The following ERAP2 variants were observed in gnomAD, a reference collection of about 807,000 sequenced individuals.
The protein encoded by ERAP2 is leukocyte-derived arginine aminopeptidase.
In ERAP2, 118 loss-of-function variants were observed where a neutral mutation model predicts 111.1. That is an observed-to-expected ratio of 1.06 (90% CI 0.92 to 1.24). The LOEUF (loss-of-function observed/expected upper bound fraction) is 1.24, where lower values mean the gene tolerates loss of function less well. Among genes scored for constraint, ERAP2 ranks in the 50% most tolerant of loss-of-function variants. The probability of loss-of-function intolerance (pLI) is 0.00; values close to 1 mark genes in which losing one functional copy is unlikely to be tolerated. For synonymous variants in ERAP2, 410 were observed against 401.2 expected (o/e 1.02, Z -0.26); for missense variants, 1,131 against 1,125.8 (o/e 1.00, Z -0.07).
chr5:96,876,474 G>C (rs1443866901), upstream of ERAP2: 1 of 152,380 alleles, frequency 6.6e-6, no homozygotes, highest in Non-Finnish European at 1.5e-5. Context: ...AGAACAGAAA[G>C]TGAAAGCAAA....
intron 18 of ERAP2, 46 bp from the exon 19 acceptor site, chr5:96,917,416 C>T (rs377184669): frequency 7.0e-6 from 11 of 1,561,504 alleles, no homozygotes; most frequent in Non-Finnish European, 9.6e-6. Flanking sequence ...CCACCACACT[C>T]GGCCAAGACA....
At chr5:96,896,161 A>G (rs867837824) in intron 7 of ERAP2, among the ~76,000 whole-genome samples, 1 of 152,086 alleles carries the variant, frequency 6.6e-6, no homozygotes, top group African/African-American at 2.4e-5. Flanking sequence ...GTCTGAAGGA[A>G]TATTGGATTT....
chr5:96,896,362 T>C lies in ERAP2; in HGVS notation c.1240-11T>C. 1 of 1,598,966 alleles carries C rather than the reference T, an allele frequency of 6.3e-7. No individual in the cohort carries two copies. Among genetic ancestry groups the C allele is most frequent in the Non-Finnish European group, 8.6e-7 (1 of 1,169,220 alleles). On this transcript the variant is annotated splice_polypyrimidine_tract_variant and intron_variant, in intron 7 of 18. Coordinates refer to ENST00000437043, the MANE Select transcript of ERAP2 (RefSeq NM_022350.5). Reference sequence around the variant, plus strand: ...TAGAAACTAAAACTAAACATTTTTCTCCCTGTTTAGGATGACTATTTTTTG... The same window carrying C: ...TAGAAACTAAAACTAAACATTTTTCCCCCTGTTTAGGATGACTATTTTTTG...
intron 11 of ERAP2, 97 bp from the exon 12 acceptor site, chr5:96,902,177 G>A: frequency 1.3e-6 from 1 of 784,332 alleles, no homozygotes; most frequent in Admixed American, 2.0e-5. Context: ...AGGATGATGG[G>A]TACTTAGGTG....
rs2255546 is a variant in ERAP2, at chr5:96,913,411, C to T, written c.2611C>T (p.Leu871=). Residue 871 remains leucine, a synonymous_variant, in exon 17 of 19, where the codon CTA becomes TTA. Transcript: ENST00000437043. ...TGCCAGACGTCCAAAGGGGCAGCAA[C>T]TAGCATGGGATTTTGTAAGAGAAAA... The part of the protein sequence containing the change: ...AIARRPKGQQ[L]AWDFVRENWT... The T allele has an allele frequency of 0.52, 837,966 of 1,613,122 alleles. 219,166 individuals are homozygous for T. The highest frequency in any genetic ancestry group is 0.61 in the Admixed American group (36,580 of 59,982).
chr5:96,902,706 G>T (rs1785606894), intron 12 of ERAP2: 1 of 178,014 alleles, frequency 5.6e-6, no homozygotes, highest in South Asian at 1.3e-4. Context: ...GATTGCTTCT[G>T]GATTCAAGTC....
chr5:96,877,379 TATCA>T (rs1417078110), intron 1 of ERAP2, among the ~76,000 whole-genome samples: 1 of 152,210 alleles, frequency 6.6e-6, no homozygotes, highest in Non-Finnish European at 1.5e-5. Context: ...TCTCTACTCT[TATCA>T]ATCAAGTACA....
At chr5:96,907,290 TA>T (rs1561392829) in intron 13 of ERAP2, among the ~76,000 whole-genome samples, 1 of 152,140 alleles carries the variant, frequency 6.6e-6, no homozygotes. Context: ...AGTAACTATA[TA>T]AAAAGAAAAG....
Position 96,901,256 on chromosome 5 carries a change from T to A in ERAP2, c.1573-250T>A, listed in dbSNP as rs1213726050. 3.3e-5 allele frequency among the ~76,000 whole-genome samples: 5 copies of A among 152,196 alleles called. No homozygotes were observed. In the South Asian group the frequency reaches 8.3e-4, roughly 25 times the overall value. ...ACTCCAGTCTCAACCTCCTTTTCAC[T>A]GGCTTTTCCTGCCATGTATTCACCC... On this transcript the variant is annotated intron_variant, in intron 10 of 18. Coordinates refer to ENST00000437043, the MANE Select transcript of ERAP2 (RefSeq NM_022350.5).
intron 6 of ERAP2, among the ~76,000 whole-genome samples, chr5:96,892,682 C>CT (rs966903445): frequency 4.6e-5 from 7 of 152,092 alleles, no homozygotes; most frequent in Non-Finnish European, 5.9e-5. Context: ...CCTCTAAAAC[C>CT]TTTCAAAGCA....
intron 18 of ERAP2, 62 bp from the exon 19 acceptor site, chr5:96,917,400 T>C (rs1363908): frequency 0.39 from 584,104 of 1,482,488 alleles, 118,579 homozygotes; most frequent in Non-Finnish European, 0.42. Flanking sequence ...GGATTACAGG[T>C]GTGAACCACC....
intron 17 of ERAP2, among the ~76,000 whole-genome samples, chr5:96,914,570 G>C (rs191600524): frequency 3.9e-4 from 60 of 152,288 alleles, no homozygotes; most frequent in African/African-American, 1.4e-3. Flanking sequence ...CAATGCTGTG[G>C]ATTTCATTTT....
chr5:96,908,147 A>G (rs1282326274), intron 13 of ERAP2, among the ~76,000 whole-genome samples: 3 of 152,222 alleles, frequency 2.0e-5, no homozygotes, highest in African/African-American at 7.2e-5. Context: ...ATAAGCCCAG[A>G]GGAGACACCC....
At chr5:96,896,620 G>A in intron 8 of ERAP2, 112 bp from the exon 9 acceptor site, 5 of 1,448,576 alleles carry the variant, frequency 3.5e-6, no homozygotes, top group Non-Finnish European at 4.6e-6. Flanking sequence ...CTTTTTATTT[G>A]TTCACTTTTC....
chr5:96,913,803 C>A (rs763426618), intron 17 of ERAP2, among the ~76,000 whole-genome samples: 5 of 152,184 alleles, frequency 3.3e-5, no homozygotes, highest in Non-Finnish European at 7.3e-5. Flanking sequence ...TTGTATAGTG[C>A]ATCACACATA....
At position 96,916,875 on chromosome 5, in the gene ERAP2, C is replaced by T. The variant is rs183486472; in HGVS notation, c.2740-587C>T. On this transcript the variant is annotated intron_variant, in intron 18 of 18. Coordinates refer to ENST00000437043, the MANE Select transcript of ERAP2 (RefSeq NM_022350.5). Reference sequence around the variant, plus strand: ...GAATTCCTGAACTTAAATCCCAGCTCACCATTTACTCTATGACTTGGGTAA... The same window carrying T: ...GAATTCCTGAACTTAAATCCCAGCTTACCATTTACTCTATGACTTGGGTAA... 7.2e-4 allele frequency among the ~76,000 whole-genome samples: 109 copies of T among 151,992 alleles called. 1 individual carries two copies. The highest frequency in any genetic ancestry group is 2.5e-3 in the African/African-American group (105 of 41,454).
At position 96,879,927 on chromosome 5, in the gene ERAP2, T is replaced by C; in HGVS notation, c.242T>C (p.Phe81Ser). The C allele has an allele frequency of 6.2e-7, 1 of 1,614,164 alleles. No individual in the cohort carries two copies. The highest frequency in any genetic ancestry group is 8.5e-7 in the Non-Finnish European group (1 of 1,180,016). Residue 81 changes from phenylalanine to serine, a missense_variant, in exon 2 of 19, where the codon TTT becomes TCT. This residue lies in a region of ERAP2 where 847 missense variants were observed against 856.5 expected (regional missense o/e 0.99). Transcript: ENST00000437043. ...SVVIPLHYDL[F>S]VHPNLTSLDF... ...GTCATTCCTCTCCATTATGACCTCT[T>C]TGTCCACCCCAATCTCACCTCTCTG...
chr5:96,908,978 TAGAC>T lies in ERAP2; in HGVS notation c.2032_2035del (p.Asp678LysfsTer5). 6.2e-7 allele frequency: 1 copy of T among 1,614,152 alleles called. No individual in the cohort carries two copies. The highest frequency in any genetic ancestry group is 8.5e-7 in the Non-Finnish European group (1 of 1,180,014). ...TACTTCAGTGCAGGGAGACTGACCC[TAGAC>T]AAAGCTCTTGACATGACTTACTACC... On this transcript the variant is annotated frameshift_variant, in exon 14 of 19. Transcript: ENST00000437043. LOFTEE classifies it high-confidence loss of function.
At chr5:96,890,813 T>C (rs1055465943) in intron 5 of ERAP2, among the ~76,000 whole-genome samples, 3 of 152,044 alleles carry the variant, frequency 2.0e-5, no homozygotes, top group Non-Finnish European at 2.9e-5. Context: ...AGTACAGATA[T>C]ACTAAATCCC....
Sources: gnomAD v4.1 joint callset for allele counts (sites outside exome capture counted in the v4.1 genomes callset) on GRCh38, gnomAD v4.1.1 for gene constraint, gnomAD v4.1.1 regional missense constraint, MANE v1.5 for transcripts, NCBI Gene and HGNC (gene_info 2026-07-23, HGNC 2026-07-21) for gene names.